The following TDRD10 variants were observed in gnomAD, a reference collection of about 807,000 sequenced individuals.
TDRD10 encodes the protein tudor domain-containing protein 10.
Under a neutral mutation model 48.0 loss-of-function variants are expected in TDRD10, and 40 were observed. The observed-to-expected ratio is 0.83, with a 90% confidence interval of 0.65 to 1.09. The LOEUF (loss-of-function observed/expected upper bound fraction) is 1.09. TDRD10 is among the 50% of genes least tolerant of loss of function. TDRD10 has a pLI of 0.00. For synonymous variants in TDRD10, 162 were observed against 170.4 expected, an observed-to-expected ratio of 0.95 and a Z score of 0.38; for missense variants, 378 against 434.7, an observed-to-expected ratio of 0.87 and a Z score of 1.16.
At chr1:154,534,431 T>G (rs1159635917) in intron 6 of TDRD10, 3 of 152,234 alleles carry the variant, frequency 2.0e-5, no homozygotes, top group Non-Finnish European at 4.4e-5. Context: ...TTCCCGTTGC[T>G]TACCACGAGG....
At chr1:154,524,128 C>T (rs1262407039) in intron 6 of TDRD10, among the ~76,000 whole-genome samples, 2 of 151,898 alleles carry the variant, frequency 1.3e-5, no homozygotes, top group Non-Finnish European at 2.9e-5. Flanking sequence ...GACATTTATC[C>T]CTTGATTATG....
chr1:154,503,130 G>A (rs1004010749), intron 1 of TDRD10, 101 bp downstream of exon 1: 1 of 152,284 alleles, frequency 6.6e-6, no homozygotes, highest in Non-Finnish European at 1.5e-5. Context: ...CGACTGATGG[G>A]GGAAAGGGGT....
intron 6 of TDRD10, among the ~76,000 whole-genome samples, chr1:154,531,254 A>G (rs1694602201): frequency 6.6e-6 from 1 of 152,136 alleles, no homozygotes; most frequent in Non-Finnish European, 1.5e-5. Flanking sequence ...AATGTTTGTC[A>G]GGTAGTGCCA....
intron 4 of TDRD10, among the ~76,000 whole-genome samples, chr1:154,512,469 C>T (rs184300205): frequency 1.4e-3 from 206 of 152,120 alleles, no homozygotes; most frequent in Admixed American, 2.5e-3. Flanking sequence ...TTCAGTCTCC[C>T]GAGTAGCTGG....
intron 6 of TDRD10, among the ~76,000 whole-genome samples, chr1:154,533,894 T>TA (rs199523039): frequency 0.45 from 50,019 of 110,050 alleles, 9,792 homozygotes; most frequent in East Asian, 0.66. Flanking sequence ...TATATATATA[T>TA]TTTTTTTTAA....
intron 4 of TDRD10, among the ~76,000 whole-genome samples, chr1:154,516,639 G>A (rs1188658194): frequency 3.3e-5 from 5 of 152,132 alleles, no homozygotes; most frequent in African/African-American, 9.7e-5. Flanking sequence ...CACCTAAGCT[G>A]GTTAACGAGC....
At chr1:154,516,668 A>G (rs1171974375) in intron 4 of TDRD10, among the ~76,000 whole-genome samples, 1 of 152,094 alleles carries the variant, frequency 6.6e-6, no homozygotes, top group Non-Finnish European at 1.5e-5. Context: ...GGCCAGGAGC[A>G]TTGCACGGTA....
chr1:154,535,943 G>A (rs747733630), intron 6 of TDRD10, among the ~76,000 whole-genome samples: 5 of 152,152 alleles, frequency 3.3e-5, no homozygotes, highest in African/African-American at 9.7e-5. Context: ...AGACTCCAGC[G>A]GTGACGTTGG....
At chr1:154,507,095 A>C (rs1570889526) in intron 2 of TDRD10, 146 bp from the exon 3 acceptor site, 4 of 1,523,570 alleles carry the variant, frequency 2.6e-6, no homozygotes, top group East Asian at 2.4e-5. Context: ...CCTGGCTTGG[A>C]ACCTGATTCT....
chr1:154,534,771 G>T (rs562569720), intron 6 of TDRD10, among the ~76,000 whole-genome samples: 5 of 152,278 alleles, frequency 3.3e-5, no homozygotes, highest in Non-Finnish European at 7.4e-5. Context: ...TAGTGAAATT[G>T]TTTTAAAGAA....
chr1:154,507,045 CTTTAACT>C (rs1693186414), intron 2 of TDRD10, 140 bp downstream of exon 2: 1 of 1,560,072 alleles, frequency 6.4e-7, no homozygotes, highest in African/African-American at 1.4e-5. Flanking sequence ...TCTAAGTATA[CTTTAACT>C]TTTAGTGATT....
rs575274913 is a variant in TDRD10, at chr1:154,534,596, C to T, written c.370-7428C>T. ...GGAAGCCCCAGATGCTCACTGTTTT[C>T]GTACAAAGGTCAGTCGTTGTTGTTA... is the stretch of plus-strand genomic sequence containing the variant. On this transcript the variant is annotated intron_variant, in intron 6 of 12. Transcript: ENST00000368482. The T allele has an allele frequency of 8.5e-5, 13 of 152,338 alleles. No homozygotes were observed. The East Asian group carries it at 1.5e-3, about 18-fold the overall frequency. 9.4% of individuals were successfully genotyped at this position (152,338 alleles called of 1,614,324 possible).
chr1:154,540,025 T>G (rs1400500969), intron 6 of TDRD10, among the ~76,000 whole-genome samples: 1 of 152,154 alleles, frequency 6.6e-6, no homozygotes, highest in Non-Finnish European at 1.5e-5. Flanking sequence ...GGAAGGGGCA[T>G]CCATTGGTAC....
At position 154,547,718 on chromosome 1, in the gene TDRD10, T is replaced by G; in HGVS notation, c.*8T>G. Reference sequence around the variant, plus strand: ...TTTGAAGAGTCTAAATAACGGGGCTTCCCTCAGCATGTTCCCTCTCCTGTT... The same window carrying G: ...TTTGAAGAGTCTAAATAACGGGGCTGCCCTCAGCATGTTCCCTCTCCTGTT... On this transcript the variant is annotated 3_prime_UTR_variant, in exon 13 of 13. Transcript: ENST00000368482. The G allele has an allele frequency of 6.2e-7, 1 of 1,613,146 alleles. No individual in the cohort carries two copies. The highest frequency in any genetic ancestry group is 8.5e-7 in the Non-Finnish European group (1 of 1,179,890).
At chr1:154,528,142 A>G (rs1694407326) in intron 6 of TDRD10, among the ~76,000 whole-genome samples, 1 of 151,836 alleles carries the variant, frequency 6.6e-6, no homozygotes, top group African/African-American at 2.4e-5. Flanking sequence ...CTGTAATCCC[A>G]GCACTTTGGG....
At position 154,542,036 on chromosome 1, in the gene TDRD10, G is replaced by A; in HGVS notation, c.382G>A (p.Ala128Thr). 1 of 1,613,872 alleles carries A rather than the reference G, an allele frequency of 6.2e-7. No individual in the cohort carries two copies. Among genetic ancestry groups the A allele is most frequent in the Non-Finnish European group, 8.5e-7 (1 of 1,179,900 alleles). ...QPRAPLVLEK[A>T]SGEGFGKTAA... is the part of the protein sequence containing the mutation. ...TTTTTCTTCCCAGGTGTTGGAGAAG[G>A]CTTCTGGTGAAGGATTTGGCAAAAC... The change falls in exon 7 of 13, where the codon GCT becomes ACT. Residue 128 changes from alanine (A) to threonine (T), a missense_variant. Around this residue, in one of 2 missense-constraint regions of TDRD10, gnomAD observed 310 missense variants for 323.6 expected, o/e 0.96. Transcript: ENST00000368482.
chr1:154,546,629 G>T (rs560003878), intron 11 of TDRD10, among the ~76,000 whole-genome samples: 1 of 151,914 alleles, frequency 6.6e-6, no homozygotes, highest in South Asian at 2.1e-4. Context: ...GCATGAAGAG[G>T]GTCCCTGCTG....
chr1:154,507,132 A>G, intron 2 of TDRD10, 109 bp from the exon 3 acceptor site: 2 of 1,552,248 alleles, frequency 1.3e-6, no homozygotes, highest in Non-Finnish European at 1.7e-6. Flanking sequence ...GCCTTTGGTC[A>G]GGAAGGGGAA....
At chr1:154,539,388 G>T (rs1454684359) in intron 6 of TDRD10, among the ~76,000 whole-genome samples, 1 of 151,934 alleles carries the variant, frequency 6.6e-6, no homozygotes, top group Non-Finnish European at 1.5e-5. Flanking sequence ...TGCAACCTCC[G>T]CCTCCCCGGG....
Sources: allele counts gnomAD v4.1 joint callset (sites outside exome capture counted in the v4.1 genomes callset), GRCh38; gene constraint gnomAD v4.1.1; regional missense constraint gnomAD v4.1.1; transcripts MANE v1.5; gene names NCBI Gene and HGNC (gene_info 2026-07-23, HGNC 2026-07-21).